CYB5A: variants seen among roughly 807,000 people sequenced by gnomAD.
The protein encoded by CYB5A is cytochrome b5.
In CYB5A, 10 loss-of-function variants were observed where a neutral mutation model predicts 16.2. That is an observed-to-expected ratio of 0.62 (90% CI 0.38 to 1.04). The LOEUF is 1.04. Ranked by LOEUF, CYB5A falls within the 50% of genes least tolerant of loss-of-function variation. The pLI is 0.01. For missense variants in CYB5A, 161 were observed against 165.9 expected, an observed-to-expected ratio of 0.97 and a Z score of 0.16; for synonymous variants, 62 against 57.0, an observed-to-expected ratio of 1.09 and a Z score of -0.40.
intron 1 of CYB5A, among the ~76,000 whole-genome samples, chr18:74,264,080 G>T (rs551898647): frequency 6.6e-6 from 1 of 151,838 alleles, no homozygotes; most frequent in Non-Finnish European, 1.5e-5. Context: ...CCGTGGTGGC[G>T]GGCACCTGTA....
At chr18:74,256,460 T>A (rs1288190810) in intron 3 of CYB5A, 3 of 242,042 alleles carry the variant, frequency 1.2e-5, no homozygotes, top group Non-Finnish European at 2.4e-5. Context: ...TCCAGAGCTT[T>A]CTGGGAGCAG....
chr18:74,281,437 G>A (rs114970487), intron 1 of CYB5A, among the ~76,000 whole-genome samples: 1,905 of 152,246 alleles, frequency 0.013, 30 homozygotes, highest in African/African-American at 0.042. Flanking sequence ...TAAGGAGGTC[G>A]GACAGAAGAG....
intron 2 of CYB5A, among the ~76,000 whole-genome samples, 167 bp downstream of exon 2, chr18:74,263,182 A>ATT (rs1982281804): frequency 6.6e-6 from 1 of 152,040 alleles, no homozygotes; most frequent in Non-Finnish European, 1.5e-5. Flanking sequence ...TGAAATGCAA[A>ATT]GACATTTTTG....
chr18:74,286,361 A>G (rs543018657), intron 1 of CYB5A, among the ~76,000 whole-genome samples: 306 of 152,348 alleles, frequency 2.0e-3, no homozygotes, highest in Non-Finnish European at 2.4e-3. Context: ...TTTCATGTGA[A>G]TATTTGTATT....
chr18:74,274,218 G>A (rs1982780961), intron 1 of CYB5A, among the ~76,000 whole-genome samples: 1 of 152,200 alleles, frequency 6.6e-6, no homozygotes, highest in African/African-American at 2.4e-5. Context: ...CATGATCTTG[G>A]GATGGGTTTG....
intron 3 of CYB5A, chr18:74,257,910 C>T (rs1982050976): frequency 1.3e-5 from 2 of 152,020 alleles, no homozygotes; most frequent in Admixed American, 1.3e-4. Context: ...AGAGTGAGAC[C>T]CCGTCTCAAA....
At chr18:74,271,421 C>T (rs1365131693) in intron 1 of CYB5A, among the ~76,000 whole-genome samples, 2 of 152,160 alleles carry the variant, frequency 1.3e-5, no homozygotes, top group Non-Finnish European at 2.9e-5. Flanking sequence ...CCCATAGCTA[C>T]CACGGGTACC....
chr18:74,291,934 G>T lies in CYB5A; in HGVS notation c.-59C>A, dbSNP rs1222207191. 6.2e-7 allele frequency: 1 copy of T among 1,602,876 alleles called. No individual in the cohort carries two copies. The highest frequency in any genetic ancestry group is 1.3e-5 in the African/African-American group (1 of 74,854). On this transcript the variant is annotated 5_prime_UTR_variant, in exon 1 of 5. Coordinates refer to ENST00000340533, the MANE Select transcript of CYB5A (RefSeq NM_148923.4). Reference sequence around the variant, plus strand: ...AGCCCCGTCGGGTGGAGCAGAGCGCGCGACTCAGCCAGCTCCACCCGGGAC... The same window carrying T: ...AGCCCCGTCGGGTGGAGCAGAGCGCTCGACTCAGCCAGCTCCACCCGGGAC...
intron 1 of CYB5A, among the ~76,000 whole-genome samples, chr18:74,288,321 T>G (rs1216645093): frequency 6.6e-6 from 1 of 152,140 alleles, no homozygotes; most frequent in Non-Finnish European, 1.5e-5. Flanking sequence ...TAGGACATTC[T>G]GAAAGAAGGG....
At chr18:74,255,404 G>A (rs1981933316) in intron 4 of CYB5A, among the ~76,000 whole-genome samples, 1 of 152,224 alleles carries the variant, frequency 6.6e-6, no homozygotes, top group Non-Finnish European at 1.5e-5. Flanking sequence ...GACATGGATT[G>A]AAAGGAAGGA....
At chr18:74,279,196 T>G (rs539376470) in intron 1 of CYB5A, among the ~76,000 whole-genome samples, 3 of 152,352 alleles carry the variant, frequency 2.0e-5, no homozygotes, top group East Asian at 3.9e-4. Flanking sequence ...GAGAGGCTGT[T>G]ACTCTAACTA....
intron 1 of CYB5A, among the ~76,000 whole-genome samples, chr18:74,279,242 A>C (rs541382115): frequency 3.9e-5 from 6 of 152,358 alleles, no homozygotes; most frequent in African/African-American, 1.2e-4. Context: ...AAAAGATGAG[A>C]CAAGGCCGGG....
At chr18:74,277,913 C>G (rs1430604143) in intron 1 of CYB5A, among the ~76,000 whole-genome samples, 3 of 152,174 alleles carry the variant, frequency 2.0e-5, no homozygotes, top group Non-Finnish European at 4.4e-5. Flanking sequence ...GAAGAGAGCA[C>G]CTGGAGTTTC....
intron 1 of CYB5A, among the ~76,000 whole-genome samples, chr18:74,276,911 C>T (rs897664203): frequency 3.9e-5 from 6 of 152,224 alleles, no homozygotes; most frequent in African/African-American, 7.2e-5. Flanking sequence ...AAGAGAAGTT[C>T]GAGAAAGACA....
intron 4 of CYB5A, 24 bp from the exon 5 acceptor site, chr18:74,253,689 A>C: frequency 6.6e-7 from 1 of 1,523,614 alleles, no homozygotes; most frequent in Non-Finnish European, 9.1e-7. Flanking sequence ...AAAAGCAATG[A>C]TGCTGACATG....
chr18:74,255,477 G>C (rs1306985099), intron 4 of CYB5A, among the ~76,000 whole-genome samples: 1 of 152,194 alleles, frequency 6.6e-6, no homozygotes, highest in East Asian at 1.9e-4. Context: ...GCTGCCCTGG[G>C]GGAAAAGGAA....
chr18:74,288,993 C>A (rs922175412), intron 1 of CYB5A, among the ~76,000 whole-genome samples: 1 of 152,140 alleles, frequency 6.6e-6, no homozygotes, highest in South Asian at 2.1e-4. Context: ...GAGGCAGAAA[C>A]GCATGCAGTT....
intron 1 of CYB5A, among the ~76,000 whole-genome samples, chr18:74,286,147 G>C (rs1246697652): frequency 6.6e-6 from 1 of 152,264 alleles, no homozygotes; most frequent in Non-Finnish European, 1.5e-5. Context: ...GTAGTAGTGA[G>C]TGTGCAAACT....
intron 1 of CYB5A, 43 bp downstream of exon 1, chr18:74,291,704 G>C: frequency 6.2e-7 from 1 of 1,612,770 alleles, no homozygotes; most frequent in Non-Finnish European, 8.5e-7. Context: ...CCCCAAACCC[G>C]GCCCACGCTC....
Sources: allele counts gnomAD v4.1 joint callset (sites outside exome capture counted in the v4.1 genomes callset), GRCh38; gene constraint gnomAD v4.1.1; transcripts MANE v1.5; gene names NCBI Gene and HGNC (gene_info 2026-07-23, HGNC 2026-07-21).